The following SUGCT variants were observed in gnomAD, a reference collection of about 807,000 sequenced individuals.
SUGCT encodes the protein succinyl-CoA:glutarate CoA-transferase.
A neutral mutation model predicts 55.0 loss-of-function variants in SUGCT; 41 were observed. That is an observed-to-expected ratio of 0.74 (90% confidence interval 0.58 to 0.97). The LOEUF is 0.97. Ranked by LOEUF, SUGCT falls within the 50% of genes least tolerant of loss-of-function variation. SUGCT has a pLI of 0.00. For synonymous variants in SUGCT, 187 were observed against 200.4 expected (o/e 0.93, Z 0.56); for missense variants, 568 against 547.8 (o/e 1.04, Z -0.37).
At chr7:40,321,367 G>A (rs746132998) in intron 9 of SUGCT, among the ~76,000 whole-genome samples, 9 of 151,300 alleles carry the variant, frequency 5.9e-5, no homozygotes, top group African/African-American at 9.8e-5. Context: ...ATGAGCCACC[G>A]TGCCCAGCCA....
intron 10 of SUGCT, among the ~76,000 whole-genome samples, chr7:40,457,299 G>A (rs1004243905): frequency 3.4e-4 from 51 of 151,958 alleles, no homozygotes; most frequent in African/African-American, 1.2e-3. Context: ...AAAATTAGCC[G>A]GGCATGATGG....
chr7:40,487,599 A>T (rs1791453060), intron 11 of SUGCT, among the ~76,000 whole-genome samples: 1 of 151,958 alleles, frequency 6.6e-6, no homozygotes, highest in Admixed American at 6.6e-5. Context: ...TATTTTTTAA[A>T]ATGTCATATT....
chr7:40,386,945 A>C (rs1172275870), intron 9 of SUGCT, among the ~76,000 whole-genome samples: 1 of 152,064 alleles, frequency 6.6e-6, no homozygotes, highest in African/African-American at 2.4e-5. Flanking sequence ...ACCTGTCCCC[A>C]CCATCATCCC....
intron 7 of SUGCT, among the ~76,000 whole-genome samples, chr7:40,259,668 C>G (rs1214782262): frequency 6.6e-6 from 1 of 152,058 alleles, no homozygotes; most frequent in Non-Finnish European, 1.5e-5. Context: ...TATTTAGATG[C>G]CAGTTGTATG....
At chr7:40,951,485 C>T in the SUGCT span, among the ~76,000 whole-genome samples, 1 of 152,000 alleles carries the variant, frequency 6.6e-6, no homozygotes, top group South Asian at 2.1e-4. Flanking sequence ...TTGTTTCTTG[C>T]CTTCTGCTAG....
chr7:40,733,960 G>A, intron 12 of SUGCT, among the ~76,000 whole-genome samples: 1 of 152,136 alleles, frequency 6.6e-6, no homozygotes, highest in Non-Finnish European at 1.5e-5. Flanking sequence ...AAGAAAATTT[G>A]TTAAGGAAGC....
chr7:40,991,441 C>T, the SUGCT span, among the ~76,000 whole-genome samples: 1 of 152,214 alleles, frequency 6.6e-6, no homozygotes, highest in East Asian at 1.9e-4. Flanking sequence ...AAATGTGACA[C>T]AGAGACACGA....
intron 12 of SUGCT, among the ~76,000 whole-genome samples, chr7:40,589,165 T>C (rs569242692): frequency 2.0e-5 from 3 of 152,266 alleles, no homozygotes; most frequent in South Asian, 2.1e-4. Flanking sequence ...TGTGTGTGTG[T>C]GTGCTTGTGT....
At chr7:40,146,381 G>C (rs543554340) in intron 1 of SUGCT, among the ~76,000 whole-genome samples, 1 of 152,288 alleles carries the variant, frequency 6.6e-6, no homozygotes, top group South Asian at 2.1e-4. Context: ...ACCCAGTGTC[G>C]CTAGAGGAAG....
the SUGCT span, among the ~76,000 whole-genome samples, chr7:41,030,923 A>G: frequency 6.6e-6 from 1 of 152,154 alleles, no homozygotes; most frequent in East Asian, 1.9e-4. Flanking sequence ...ATATTAGTGC[A>G]TCGTAGATAA....
the SUGCT span, among the ~76,000 whole-genome samples, chr7:40,914,174 G>C: frequency 6.6e-6 from 1 of 151,568 alleles, no homozygotes; most frequent in Non-Finnish European, 1.5e-5. Flanking sequence ...TGTCTGGAAA[G>C]GGTTCCAGGC....
chr7:41,001,617 G>A, the SUGCT span, among the ~76,000 whole-genome samples: 2 of 152,112 alleles, frequency 1.3e-5, no homozygotes, highest in Admixed American at 1.3e-4. Context: ...GTTCTGGTGA[G>A]GGCCCTGCAG....
intron 7 of SUGCT, among the ~76,000 whole-genome samples, chr7:40,252,043 C>T (rs1284827348): frequency 6.6e-6 from 1 of 151,894 alleles, no homozygotes; most frequent in Non-Finnish European, 1.5e-5. Context: ...AAGAGATTTT[C>T]AATATTCTAT....
At chr7:40,748,504 A>C (rs1787849487) in intron 12 of SUGCT, among the ~76,000 whole-genome samples, 1 of 151,564 alleles carries the variant, frequency 6.6e-6, no homozygotes, top group African/African-American at 2.4e-5. Context: ...ATGGTGTTTA[A>C]TAGTTGTAGT....
chr7:40,448,035 C>A (rs1488440668), intron 9 of SUGCT, among the ~76,000 whole-genome samples: 2 of 152,102 alleles, frequency 1.3e-5, no homozygotes, highest in South Asian at 4.2e-4. Context: ...TCGCTGTCCA[C>A]AGGAACCTGT....
the SUGCT span, among the ~76,000 whole-genome samples, chr7:40,988,521 G>C: frequency 1.3e-5 from 2 of 151,912 alleles, no homozygotes; most frequent in Admixed American, 6.6e-5. Flanking sequence ...CAAAAAAACT[G>C]ACTTTATAGA....
At chr7:40,980,801 ATCT>A in the SUGCT span, among the ~76,000 whole-genome samples, 1 of 152,050 alleles carries the variant, frequency 6.6e-6, no homozygotes, top group Non-Finnish European at 1.5e-5. Flanking sequence ...AGCTCAGGTG[ATCT>A]TCTCGCCTCA....
rs75497253 is a variant in SUGCT, at chr7:40,726,925, G to A, written c.1090-22509G>A. On this transcript the variant is annotated intron_variant, in intron 12 of 13. Coordinates refer to ENST00000335693, the MANE Select transcript of SUGCT (RefSeq NM_001193313.2). ...GCACAACATTTGCATGGCAGGAGAA[G>A]GATGAATGGGGTACTTAAGCAAAGC... Among the ~76,000 whole-genome samples, 1,363 of 152,324 alleles carry A rather than the reference G, an allele frequency of 8.9e-3. 16 individuals carry two copies. Among genetic ancestry groups the A allele is most frequent in the African/African-American group, 0.031 (1,282 of 41,562 alleles).
chr7:40,686,890 G>A (rs1016755205), intron 12 of SUGCT, among the ~76,000 whole-genome samples: 3 of 152,210 alleles, frequency 2.0e-5, no homozygotes, highest in Admixed American at 2.0e-4. Flanking sequence ...TAGAAGCTGG[G>A]GGAGGGGCAA....
Sources: gnomAD v4.1 joint callset for allele counts (sites outside exome capture counted in the v4.1 genomes callset) on GRCh38, gnomAD v4.1.1 for gene constraint, MANE v1.5 for transcripts, NCBI Gene and HGNC (gene_info 2026-07-23, HGNC 2026-07-21) for gene names.